The following SYNE1 variants were observed in gnomAD, a reference collection of about 807,000 sequenced individuals.
SYNE1 encodes spectrin repeat containing nuclear envelope protein 1, also known as nesprin-1.
A neutral mutation model predicts 1,111.0 loss-of-function variants in SYNE1; 616 were observed. That is an observed-to-expected ratio of 0.55 (90% CI 0.52 to 0.59). SYNE1 has a LOEUF of 0.59. Among genes scored for constraint, SYNE1 ranks in the 20% least tolerant of loss-of-function variants. SYNE1 has a pLI of 0.00. For missense variants in SYNE1, 10,006 were observed against 10,417.0 expected (o/e 0.96, Z 1.72); for synonymous variants, 3,855 against 3,825.8 (o/e 1.01, Z -0.28).
intron 21 of SYNE1, among the ~76,000 whole-genome samples, chr6:152,461,170 C>T (rs2098731873): frequency 6.6e-6 from 1 of 152,088 alleles, no homozygotes; most frequent in Non-Finnish European, 1.5e-5. Flanking sequence ...AGAATTTCCA[C>T]AGCTTTGTGG....
Position 152,605,764 on chromosome 6 carries a change from T to C in SYNE1, c.67+22501A>G, listed in dbSNP as rs570027704. On this transcript the variant is annotated intron_variant, in intron 3 of 145. Coordinates refer to ENST00000367255, the MANE Select transcript of SYNE1 (RefSeq NM_182961.4). ...ACAATTTTACTTTTCTAAATGCACATCTTTAAAGGTATTTTTATAGCTGTG... is the reference window on the plus strand; with the variant it reads ...ACAATTTTACTTTTCTAAATGCACACCTTTAAAGGTATTTTTATAGCTGTG... Among the ~76,000 whole-genome samples the C allele has an allele frequency of 4.6e-5, 7 of 152,320 alleles. No individual in the cohort carries two copies. In the South Asian group the frequency reaches 1.4e-3, roughly 32 times the overall value.
At position 152,467,971 on chromosome 6, in the gene SYNE1, G is replaced by T. The variant is rs533847940; in HGVS notation, c.1633-1893C>A. 5.3e-4 allele frequency among the ~76,000 whole-genome samples: 81 copies of T among 152,158 alleles called. 1 individual carries two copies. Among genetic ancestry groups the T allele is most frequent in the African/African-American group, 1.7e-3 (71 of 41,534 alleles). ...ACACACCTGTCAGAAAAATACAAAT[G>T]CATGTTTAAAATAATAATAACAAGA... On this transcript the variant is annotated intron_variant, in intron 16 of 145. Transcript: ENST00000367255.
In SYNE1 at chr6:152,122,427, C is replaced by G; in HGVS notation, c.*9G>C. 1.2e-6 allele frequency: 2 copies of G among 1,614,110 alleles called. No homozygotes were observed. Among genetic ancestry groups the G allele is most frequent in the South Asian group, 2.2e-5 (2 of 91,084 alleles). On this transcript the variant is annotated 3_prime_UTR_variant, in exon 146 of 146. Coordinates refer to ENST00000367255, the MANE Select transcript of SYNE1 (RefSeq NM_182961.4). Reference sequence around the variant, plus strand: ...CTACCAGCACTTCTGCAGATGGCATCTGCTTAGTTCAGAGTGGAGGAGGGC... The same window carrying G: ...CTACCAGCACTTCTGCAGATGGCATGTGCTTAGTTCAGAGTGGAGGAGGGC...
chr6:152,139,542 G>A lies in SYNE1; in HGVS notation c.25458+408C>T, dbSNP rs183597552. On this transcript the variant is annotated intron_variant, in intron 140 of 145. Transcript: ENST00000367255. ...GCTGAGATCATGCCACTGCACTCCA[G>A]CCTGGGCAACGGAGTGAGACTCCAT... Among the ~76,000 whole-genome samples the A allele has an allele frequency of 3.8e-3, 541 of 143,560 alleles. 5 individuals carry two copies. The highest frequency in any genetic ancestry group is 0.014 in the African/African-American group (520 of 38,324). 94.2% of individuals were successfully genotyped at this position (143,560 alleles called of 152,430 possible).
chr6:152,391,726 ATTTCATTCTC>A (rs2097643923), intron 51 of SYNE1, among the ~76,000 whole-genome samples, 158 bp from the exon 52 acceptor site: 1 of 152,096 alleles, frequency 6.6e-6, no homozygotes, highest in Admixed American at 6.6e-5. Context: ...TGACCTGGTT[ATTTCATTCTC>A]TTATGATCTC....
At chr6:152,416,358 A>T (rs775062227) in intron 41 of SYNE1, 29 bp downstream of exon 41, 1 of 1,612,360 alleles carries the variant, frequency 6.2e-7, no homozygotes, top group South Asian at 1.1e-5. Context: ...AAGAAAAGAG[A>T]CAAGTGGCCG....
At chr6:152,444,884 T>C (rs1263657742) in intron 29 of SYNE1, among the ~76,000 whole-genome samples, 2 of 152,126 alleles carry the variant, frequency 1.3e-5, no homozygotes, top group Non-Finnish European at 2.9e-5. Context: ...TACTCTTCGA[T>C]CAAAACCCCC....
rs375625421 is a variant in SYNE1 at position 152,213,788 on chromosome 6, G to A, written c.22347-29C>T. The A allele has an allele frequency of 1.9e-6, 3 of 1,613,602 alleles. No individual in the cohort carries two copies. In the African/African-American group the frequency reaches 4.0e-5, roughly 22 times the overall value. The stretch of plus-strand genomic sequence containing the variant: ...AAAGAACAAAGGGCAAGGAACAATG[G>A]TTATTTCACTGCTTATTCTTACTTC... On this transcript the variant is annotated intron_variant, in intron 122 of 145. Coordinates refer to ENST00000367255, the MANE Select transcript of SYNE1 (RefSeq NM_182961.4).
intron 81 of SYNE1, among the ~76,000 whole-genome samples, chr6:152,324,554 G>C (rs540443073): frequency 6.6e-6 from 1 of 152,182 alleles, no homozygotes; most frequent in African/African-American, 2.4e-5. Context: ...AGCACTTGGC[G>C]GGGGCTGAGG....
Position 152,407,062 on chromosome 6 carries a change from G to C in SYNE1, c.6675C>G (p.Ser2225Arg). ...CAGCTCTGAGGTGGTTATCCAGGTTGCTGATGTTTTCTGCCATCTGTGGAA... is the reference window on the plus strand; with the variant it reads ...CAGCTCTGAGGTGGTTATCCAGGTTCCTGATGTTTTCTGCCATCTGTGGAA... ...NCVPQMAENISNLDNHLRAEE... is the reference protein window; with the variant it reads ...NCVPQMAENIRNLDNHLRAEE... Residue 2225 changes from serine (S) to arginine (R), a missense_variant, in exon 45 of 146, where the codon AGC becomes AGG. Transcript: ENST00000367255. 6.2e-7 allele frequency: 1 copy of C among 1,613,594 alleles called. No homozygotes were observed.
At chr6:152,366,835 A>T (rs2097090250) in intron 62 of SYNE1, among the ~76,000 whole-genome samples, 2 of 152,226 alleles carry the variant, frequency 1.3e-5, no homozygotes, top group African/African-American at 4.8e-5. Context: ...ATAACTTGGG[A>T]TGGGAGGAGA....
intron 135 of SYNE1, among the ~76,000 whole-genome samples, chr6:152,150,176 G>C (rs868302229): frequency 6.6e-6 from 1 of 152,126 alleles, no homozygotes; most frequent in Non-Finnish European, 1.5e-5. Flanking sequence ...AACATAGGCA[G>C]GTAAAGTTAT....
chr6:152,255,820 C>A (rs1174175893), intron 102 of SYNE1, 74 bp from the exon 103 acceptor site: 18 of 1,529,018 alleles, frequency 1.2e-5, no homozygotes, highest in Non-Finnish European at 1.6e-5. Flanking sequence ...CAGGATGGGG[C>A]CGGTGCAGTG....
Position 152,153,276 on chromosome 6 carries a change from T to C in SYNE1, c.24130-1135A>G, listed in dbSNP as rs547424417. Among the ~76,000 whole-genome samples the C allele has an allele frequency of 5.3e-5, 8 of 152,324 alleles. 1 individual carries two copies. The South Asian group carries it at 1.7e-3, about 32-fold the overall frequency. Reference sequence around the variant, plus strand: ...GGTAAGGAAAGTTCAGCTCTGGCCATGACTGGAAGTCCCAGTACATGTTTG... The same window carrying C: ...GGTAAGGAAAGTTCAGCTCTGGCCACGACTGGAAGTCCCAGTACATGTTTG... On this transcript the variant is annotated intron_variant, in intron 133 of 145. Coordinates refer to ENST00000367255, the MANE Select transcript of SYNE1 (RefSeq NM_182961.4).
In SYNE1 at chr6:152,373,149, C is replaced by T. The variant is rs1360123066; in HGVS notation, c.9395G>A (p.Ser3132Asn). 1 of 1,614,118 alleles carries T rather than the reference C, an allele frequency of 6.2e-7. No individual in the cohort carries two copies. The highest frequency in any genetic ancestry group is 1.1e-5 in the South Asian group (1 of 91,082). The change falls in exon 59 of 146, where the codon AGT becomes AAT. Residue 3132 changes from serine (S) to asparagine (N), a missense_variant. By Grantham distance (46) the Ser-to-Asn change is conservative. This residue lies in a region of SYNE1 where 4,955 missense variants were observed against 5,017.2 expected (regional missense o/e 0.99). Transcript: ENST00000367255. ...NMMLSKGELL[S>N]TLLTKEKAKG... ...CGCTTTCTCTTTGGTCAGCAGGGTA[C>T]TCAGAAGTTCCCCTTTAGACAGCAT...
intron 3 of SYNE1, among the ~76,000 whole-genome samples, chr6:152,594,450 G>C (rs983862090): frequency 7.2e-5 from 11 of 152,168 alleles, no homozygotes; most frequent in African/African-American, 2.4e-4. Flanking sequence ...TCCAAAGATG[G>C]ACAGGGAAGT....
At position 152,344,221 on chromosome 6, in the gene SYNE1, G is replaced by A; in HGVS notation, c.12085C>T (p.Gln4029Ter). 1 of 1,614,100 alleles carries A rather than the reference G, an allele frequency of 6.2e-7. No homozygotes were observed. Among genetic ancestry groups the A allele is most frequent in the Non-Finnish European group, 8.5e-7 (1 of 1,180,024 alleles). The part of the protein sequence containing the change: ...AICSTAQRMY[Q>*]SLEHELQKHV... ...TTCTGAAGTTCGTGTTCCAAACTCT[G>A]GTACATCTGAGACAATACAATCATG... Residue 4029 changes from glutamine (Q) to a stop codon, truncating the protein, a stop_gained, in exon 74 of 146, where the codon CAG becomes TAG. Transcript: ENST00000367255. LOFTEE classifies it high-confidence loss of function.
rs183673163 is a variant in SYNE1, at chr6:152,209,080, G to A, written c.22590-874C>T. On this transcript the variant is annotated intron_variant, in intron 124 of 145. Transcript: ENST00000367255. The stretch of plus-strand genomic sequence containing the variant: ...CGCATGAAACAGAATGAGTTTCTAT[G>A]TAGATTACAGTGTTATTCACACCTA... Among the ~76,000 whole-genome samples the A allele has an allele frequency of 3.9e-5, 6 of 152,280 alleles. No individual in the cohort carries two copies. The East Asian group carries it at 1.2e-3, about 29-fold the overall frequency.
chr6:152,265,942 T>C (rs1207362340), intron 100 of SYNE1, among the ~76,000 whole-genome samples: 1 of 152,154 alleles, frequency 6.6e-6, no homozygotes, highest in African/African-American at 2.4e-5. Flanking sequence ...TATCAGGCTT[T>C]TTCCTAGCAA....
Sources: allele counts gnomAD v4.1 joint callset (sites outside exome capture counted in the v4.1 genomes callset), GRCh38; gene constraint gnomAD v4.1.1; regional missense constraint gnomAD v4.1.1; transcripts MANE v1.5; gene names NCBI Gene and HGNC (gene_info 2026-07-23, HGNC 2026-07-21).